Variants in SPATA13 observed in about 807,000 individuals in gnomAD.
SPATA13 encodes spermatogenesis-associated protein 13.
Under a neutral mutation model 104.0 loss-of-function variants are expected in SPATA13, and 50 were observed. That is an observed-to-expected ratio of 0.48 (90% CI 0.38 to 0.61). The LOEUF is 0.61. Ranked by LOEUF, SPATA13 falls within the 20% of genes least tolerant of loss-of-function variation. The pLI is 0.00. For missense variants in SPATA13, 1,524 were observed against 1,690.6 expected, an observed-to-expected ratio of 0.90 and a Z score of 1.73; for synonymous variants, 606 against 667.5, an observed-to-expected ratio of 0.91 and a Z score of 1.42.
chr13:23,999,147 G>A (rs1055985500), intron 2 of SPATA13, among the ~76,000 whole-genome samples: 18 of 151,768 alleles, frequency 1.2e-4, no homozygotes, highest in Admixed American at 7.2e-4. Context: ...GGCTGGTCTC[G>A]AACTCCTGAC....
intron 1 of SPATA13, among the ~76,000 whole-genome samples, chr13:24,176,588 G>T (rs1311330216): frequency 6.6e-6 from 1 of 151,790 alleles, no homozygotes; most frequent in African/African-American, 2.4e-5. Flanking sequence ...GATTAAGCAC[G>T]CTGGGTCCTG....
At chr13:24,179,716 C>G (rs1868682142) in intron 1 of SPATA13, among the ~76,000 whole-genome samples, 1 of 152,184 alleles carries the variant, frequency 6.6e-6, no homozygotes. Flanking sequence ...ACTAATGTGT[C>G]TGAAGTGGCA....
intron 2 of SPATA13, among the ~76,000 whole-genome samples, chr13:23,987,224 G>T (rs113375108): frequency 6.6e-6 from 1 of 152,178 alleles, no homozygotes; most frequent in African/African-American, 2.4e-5. Context: ...TCTTTCAGTG[G>T]TTGTGTCTCT....
intron 3 of SPATA13, among the ~76,000 whole-genome samples, chr13:24,042,757 G>A (rs888593214): frequency 7.9e-5 from 12 of 152,324 alleles, no homozygotes; most frequent in Non-Finnish European, 8.8e-5. Context: ...CAGAGAGGCT[G>A]CCTCACTTGG....
At chr13:24,093,325 C>G (rs906780114) in intron 3 of SPATA13, among the ~76,000 whole-genome samples, 1 of 152,216 alleles carries the variant, frequency 6.6e-6, no homozygotes, top group Admixed American at 6.5e-5. Context: ...AATTCCTTTT[C>G]CAGGCACCAG....
At chr13:24,001,474 G>A (rs914978343) in intron 2 of SPATA13, among the ~76,000 whole-genome samples, 1 of 152,026 alleles carries the variant, frequency 6.6e-6, no homozygotes, top group African/African-American at 2.4e-5. Flanking sequence ...AGTGGAGATT[G>A]CGTTAAGGAG....
At chr13:24,044,407 A>AT (rs138824840) in intron 3 of SPATA13, among the ~76,000 whole-genome samples, 17,117 of 151,582 alleles carry the variant, frequency 0.11, 1,067 homozygotes, top group South Asian at 0.2. Flanking sequence ...TAATTTTTGT[A>AT]TTTTTAGTAG....
intron 1 of SPATA13, among the ~76,000 whole-genome samples, chr13:24,163,740 A>C (rs1882606838): frequency 6.6e-6 from 1 of 152,228 alleles, no homozygotes; most frequent in Admixed American, 6.5e-5. Flanking sequence ...TTCAAGGGAA[A>C]GCAGCAGGAC....
chr13:24,049,418 G>A (rs1293155435), intron 3 of SPATA13, among the ~76,000 whole-genome samples: 2 of 152,190 alleles, frequency 1.3e-5, no homozygotes, highest in African/African-American at 4.8e-5. Flanking sequence ...GTGCAGCCTC[G>A]CTGTTTGGTG....
intron 1 of SPATA13, among the ~76,000 whole-genome samples, chr13:24,196,543 TG>T (rs1470139876): frequency 3.9e-5 from 6 of 152,176 alleles, no homozygotes; most frequent in Non-Finnish European, 7.3e-5. Context: ...GAGACCAGCC[TG>T]GGAAATATAG....
intron 3 of SPATA13, among the ~76,000 whole-genome samples, chr13:24,152,184 T>C (rs1052297364): frequency 1.3e-5 from 2 of 152,246 alleles, no homozygotes; most frequent in African/African-American, 4.8e-5. Context: ...AAGGCACCTG[T>C]AGATTCAGTG....
At chr13:24,064,525 G>C (rs545222755) in intron 3 of SPATA13, among the ~76,000 whole-genome samples, 22 of 152,114 alleles carry the variant, frequency 1.4e-4, no homozygotes, top group Non-Finnish European at 2.9e-4. Context: ...TTTTATAAAA[G>C]AGCCCCCAGA....
In SPATA13 at chr13:24,223,019, C is replaced by T. The variant is rs1169570966; in HGVS notation, c.90C>T (p.Pro30=). The change falls in exon 2 of 13, where the codon CCC becomes CCT. Residue 30 remains proline (P), a synonymous_variant. Coordinates refer to ENST00000382108, the MANE Select transcript of SPATA13 (RefSeq NM_001166271.3). ...PNGLGPGPAA[P]CAGSDLKDAK... ...GCCTCGGGCCAGGCCCCGCAGCCCC[C>T]TGTGCAGGCTCGGACCTGAAAGACG... 1.9e-6 allele frequency: 3 copies of T among 1,551,610 alleles called. No individual in the cohort carries two copies. Among genetic ancestry groups the T allele is most frequent in the Non-Finnish European group, 2.6e-6 (3 of 1,146,886 alleles).
rs74888778 is a variant in SPATA13, at chr13:24,285,054, A to G, written c.2301+783A>G. On this transcript the variant is annotated intron_variant, in intron 5 of 12. Coordinates refer to ENST00000382108, the MANE Select transcript of SPATA13 (RefSeq NM_001166271.3). ...CTGGAAGATACCTCCAGCTTTTGGC[A>G]TTCTTGAGCAGAACGTGTGGAGCAT... is the stretch of plus-strand genomic sequence containing the variant. Among the ~76,000 whole-genome samples, 748 of 152,120 alleles carry G rather than the reference A, an allele frequency of 4.9e-3. 7 individuals carry two copies. The highest frequency in any genetic ancestry group is 0.017 in the African/African-American group (719 of 41,486).
At chr13:24,264,522 A>C (rs578000813) in intron 4 of SPATA13, among the ~76,000 whole-genome samples, 1 of 152,372 alleles carries the variant, frequency 6.6e-6, no homozygotes, top group African/African-American at 2.4e-5. Flanking sequence ...TTTCCATTCT[A>C]TTCAGTTTCC....
At chr13:24,003,109 A>G (rs1341378655) in intron 2 of SPATA13, among the ~76,000 whole-genome samples, 1 of 151,846 alleles carries the variant, frequency 6.6e-6, no homozygotes, top group Admixed American at 6.6e-5. Context: ...TCAAAATCCC[A>G]TCTGTCTGGT....
chr13:24,293,050 C>A (rs1593509772), intron 9 of SPATA13, among the ~76,000 whole-genome samples: 1 of 110,850 alleles, frequency 9.0e-6, no homozygotes, highest in Non-Finnish European at 1.8e-5. Flanking sequence ...AGCCTTCTTA[C>A]AATTAGATTG....
intron 4 of SPATA13, among the ~76,000 whole-genome samples, chr13:24,265,569 C>T (rs184005871): frequency 1.3e-5 from 2 of 152,284 alleles, no homozygotes; most frequent in Admixed American, 1.3e-4. Context: ...GTCCACAGGT[C>T]CTGGCTGTGT....
chr13:24,092,988 C>G (rs1009748590), intron 3 of SPATA13, among the ~76,000 whole-genome samples: 7 of 152,200 alleles, frequency 4.6e-5, no homozygotes, highest in Non-Finnish European at 7.3e-5. Context: ...GAGAGGATCA[C>G]CAAAGGCCGT....
Sources: allele counts gnomAD v4.1 joint callset (sites outside exome capture counted in the v4.1 genomes callset), GRCh38; gene constraint gnomAD v4.1.1; transcripts MANE v1.5; gene names NCBI Gene and HGNC (gene_info 2026-07-23, HGNC 2026-07-21).